MAGI3: variants seen among roughly 807,000 people sequenced by gnomAD.
MAGI3 encodes the protein membrane-associated guanylate kinase, WW and PDZ domain-containing protein 3.
A neutral mutation model predicts 121.8 loss-of-function variants in MAGI3; 43 were observed. That is an observed-to-expected ratio of 0.35 (90% CI 0.28 to 0.46). The LOEUF (loss-of-function observed/expected upper bound fraction) is 0.46, where lower values mean the gene tolerates loss of function less well. MAGI3 is among the 20% of genes least tolerant of loss of function. The pLI, the probability that MAGI3 is intolerant of heterozygous loss-of-function variation, is 1.00. For missense variants in MAGI3, 1,547 were observed against 1,797.3 expected, an observed-to-expected ratio of 0.86 and a Z score of 2.52; for synonymous variants, 553 against 639.3, an observed-to-expected ratio of 0.86 and a Z score of 2.04.
chr1:113,673,821 A>G (rs2101024833), intron 19 of MAGI3, among the ~76,000 whole-genome samples: 1 of 152,344 alleles, frequency 6.6e-6, no homozygotes, highest in East Asian at 1.9e-4. Context: ...AGGATCAAAT[A>G]GAATCTTTAA....
chr1:113,567,166 C>A (rs1660467753), intron 2 of MAGI3, among the ~76,000 whole-genome samples: 1 of 151,074 alleles, frequency 6.6e-6, no homozygotes, highest in Admixed American at 6.6e-5. Flanking sequence ...AGTTAGATGC[C>A]CACAAATTGG....
rs538950375 is a variant in MAGI3 at position 113,413,018 on chromosome 1, A to G, written c.316+21669A>G. 1.4e-4 allele frequency among the ~76,000 whole-genome samples: 22 copies of G among 152,236 alleles called. No homozygotes were observed. In the South Asian group the frequency reaches 3.7e-3, roughly 26 times the overall value. ...GGGTTTTTATGGTTTTAGGCCTAAC[A>G]TTTAAGTCTTTAATCCATCTTGAAT... On this transcript the variant is annotated intron_variant, in intron 1 of 20. Coordinates refer to ENST00000307546, the MANE Select transcript of MAGI3 (RefSeq NM_001142782.2).
chr1:113,590,469 T>G lies in MAGI3; in HGVS notation c.764-15T>G, dbSNP rs549874236. The G allele has an allele frequency of 1.9e-6, 3 of 1,613,096 alleles. No individual in the cohort carries two copies. In the African/African-American group the frequency reaches 4.0e-5, roughly 22 times the overall value. ...TTACCCACTTTTCACACCTTTCTGT[T>G]TTGAACAATGGCAGAAAACAGAGAG... On this transcript the variant is annotated splice_polypyrimidine_tract_variant and intron_variant, in intron 4 of 20. Transcript: ENST00000307546.
At chr1:113,428,090 G>A (rs562422161) in intron 1 of MAGI3, among the ~76,000 whole-genome samples, 16 of 151,992 alleles carry the variant, frequency 1.1e-4, no homozygotes, top group African/African-American at 3.6e-4. Flanking sequence ...TCCTCACTCT[G>A]GCTTGCCTTT....
At chr1:113,409,645 CT>C (rs1202708032) in intron 1 of MAGI3, among the ~76,000 whole-genome samples, 1 of 152,028 alleles carries the variant, frequency 6.6e-6, no homozygotes, top group Non-Finnish European at 1.5e-5. Context: ...TACCTTGTTA[CT>C]TTTTTTCTCC....
In MAGI3 at chr1:113,674,501, C is replaced by T. The variant is rs1246498692; in HGVS notation, c.3189+1036C>T. 6.6e-5 allele frequency among the ~76,000 whole-genome samples: 10 copies of T among 151,534 alleles called. No individual in the cohort carries two copies. The East Asian group carries it at 1.5e-3, about 23-fold the overall frequency. ...TTAAAAACTTTTAATTTCTAGACAC[C>T]GTTCCCCCTACTACTCAAAAGAATT... is the stretch of plus-strand genomic sequence containing the variant. On this transcript the variant is annotated intron_variant, in intron 19 of 20. Coordinates refer to ENST00000307546, the MANE Select transcript of MAGI3 (RefSeq NM_001142782.2).
intron 9 of MAGI3, among the ~76,000 whole-genome samples, chr1:113,641,313 A>G (rs1227042078): frequency 1.3e-5 from 2 of 150,168 alleles, no homozygotes; most frequent in African/African-American, 4.9e-5. Flanking sequence ...ATATATCAAG[A>G]GTGGGTGATT....
chr1:113,503,219 TAAAAAAAAAAAAAAAAAAAAAAAA>T (rs869272201), intron 1 of MAGI3, among the ~76,000 whole-genome samples: 1 of 8,976 alleles, frequency 1.1e-4, no homozygotes, highest in African/African-American at 9.1e-4. Flanking sequence ...AGAGTATAAT[TAAAAAAAAAAAAAAAAAAAAAAAA>T]AAAAAAAAAA....
chr1:113,629,012 A>AT (rs939649710), intron 9 of MAGI3, among the ~76,000 whole-genome samples: 3 of 151,490 alleles, frequency 2.0e-5, no homozygotes, highest in East Asian at 1.9e-4. Flanking sequence ...TTTTTACCTC[A>AT]TTTTTTCTGT....
At chr1:113,517,913 TGTC>T (rs996084273) in intron 1 of MAGI3, among the ~76,000 whole-genome samples, 1 of 152,064 alleles carries the variant, frequency 6.6e-6, no homozygotes, top group African/African-American at 2.4e-5. Context: ...TCTCTCACTA[TGTC>T]TTCCACATCT....
chr1:113,630,774 A>G (rs916432430), intron 9 of MAGI3, among the ~76,000 whole-genome samples: 1 of 151,776 alleles, frequency 6.6e-6, no homozygotes, highest in African/African-American at 2.4e-5. Flanking sequence ...ATTTCTCCAT[A>G]CCAGGTGGCT....
intron 9 of MAGI3, among the ~76,000 whole-genome samples, chr1:113,634,297 A>G (rs1015234141): frequency 4.6e-5 from 7 of 151,760 alleles, no homozygotes; most frequent in South Asian, 4.1e-4. Context: ...TGTTTTAGAC[A>G]TGAAGTCCTT....
intron 19 of MAGI3, among the ~76,000 whole-genome samples, chr1:113,676,266 T>A (rs1647860999): frequency 6.6e-6 from 1 of 152,190 alleles, no homozygotes; most frequent in Non-Finnish European, 1.5e-5. Flanking sequence ...AAAGTCTAGT[T>A]CTAAACATGT....
At chr1:113,627,912 T>TAAAG in intron 9 of MAGI3, among the ~76,000 whole-genome samples, 1 of 152,256 alleles carries the variant, frequency 6.6e-6, no homozygotes, top group South Asian at 2.1e-4. Flanking sequence ...TGTGTACCTT[T>TAAAG]ACAGGTGACA....
chr1:113,670,024 A>T (rs1571027668), intron 16 of MAGI3, among the ~76,000 whole-genome samples: 1 of 151,252 alleles, frequency 6.6e-6, no homozygotes, highest in East Asian at 1.9e-4. Flanking sequence ...AAAAAAAAAA[A>T]AGTTCATAGC....
intron 2 of MAGI3, among the ~76,000 whole-genome samples, chr1:113,577,976 A>AC (rs1283245040): frequency 6.6e-6 from 1 of 150,596 alleles, no homozygotes; most frequent in Non-Finnish European, 1.5e-5. Flanking sequence ...ATAACAGACT[A>AC]CCCTAAAACT....
intron 9 of MAGI3, among the ~76,000 whole-genome samples, chr1:113,637,072 C>A (rs1172317037): frequency 1.3e-5 from 2 of 151,468 alleles, no homozygotes; most frequent in Non-Finnish European, 2.9e-5. Context: ...TTTTGTTTTC[C>A]ATTTACTTGG....
intron 2 of MAGI3, among the ~76,000 whole-genome samples, chr1:113,564,892 C>T (rs1660380364): frequency 6.6e-6 from 1 of 151,400 alleles, no homozygotes; most frequent in Non-Finnish European, 1.5e-5. Flanking sequence ...CTCTGTTGCC[C>T]AGGCTAGAGT....
At chr1:113,468,600 T>C (rs563262700) in intron 1 of MAGI3, among the ~76,000 whole-genome samples, 3 of 152,270 alleles carry the variant, frequency 2.0e-5, no homozygotes, top group Admixed American at 6.5e-5. Flanking sequence ...GATCAGAGTT[T>C]TTCCGGTAGC....
Sources: allele counts gnomAD v4.1 joint callset (sites outside exome capture counted in the v4.1 genomes callset), GRCh38; gene constraint gnomAD v4.1.1; transcripts MANE v1.5; gene names NCBI Gene and HGNC (gene_info 2026-07-23, HGNC 2026-07-21).